Variants in TAFA1 observed in about 807,000 individuals in gnomAD.
The protein encoded by TAFA1 is TAFA chemokine like family member 1.
A neutral mutation model predicts 18.5 loss-of-function variants in TAFA1; 4 were observed. The ratio of observed to expected loss-of-function variants is 0.22; its 90% CI spans 0.11 to 0.49. The LOEUF (loss-of-function observed/expected upper bound fraction) is 0.49. Among genes scored for constraint, TAFA1 ranks in the 20% least tolerant of loss-of-function variants. The pLI, the probability that TAFA1 is intolerant of heterozygous loss-of-function variation, is 0.98. For missense variants in TAFA1, 147 were observed against 169.0 expected (o/e 0.87, Z 0.72); for synonymous variants, 56 against 55.2 (o/e 1.01, Z -0.06).
intron 2 of TAFA1, among the ~76,000 whole-genome samples, chr3:68,016,864 A>C (rs545308240): frequency 9.8e-5 from 15 of 152,300 alleles, no homozygotes; most frequent in Middle Eastern, 3.4e-3. Flanking sequence ...ATATAAGAGC[A>C]TGTTAATAGG....
intron 2 of TAFA1, among the ~76,000 whole-genome samples, chr3:68,179,536 G>A (rs927237786): frequency 5.3e-5 from 8 of 151,954 alleles, no homozygotes; most frequent in African/African-American, 1.7e-4. Flanking sequence ...TTCTTTTTCT[G>A]TACTCCTTGT....
At chr3:68,394,722 G>A (rs2070339271) in intron 2 of TAFA1, among the ~76,000 whole-genome samples, 1 of 152,112 alleles carries the variant, frequency 6.6e-6, no homozygotes, top group Non-Finnish European at 1.5e-5. Flanking sequence ...TTAATAAATG[G>A]TGTTGGGAAA....
At chr3:68,409,010 AATC>A (rs1364438037) in intron 2 of TAFA1, among the ~76,000 whole-genome samples, 1 of 152,146 alleles carries the variant, frequency 6.6e-6, no homozygotes, top group African/African-American at 2.4e-5. Flanking sequence ...TAAAAATCAA[AATC>A]ATGCACACTA....
intron 2 of TAFA1, among the ~76,000 whole-genome samples, chr3:68,087,342 G>A (rs1455168000): frequency 3.3e-5 from 5 of 151,820 alleles, no homozygotes; most frequent in African/African-American, 1.2e-4. Context: ...GAGGACATGA[G>A]GTTGCCAATG....
intron 2 of TAFA1, among the ~76,000 whole-genome samples, chr3:68,269,846 T>A (rs2067628414): frequency 6.6e-6 from 1 of 152,232 alleles, no homozygotes; most frequent in South Asian, 2.1e-4. Flanking sequence ...GAAGGATTCT[T>A]TTTTTAATAT....
At chr3:68,314,028 C>T (rs951856315) in intron 2 of TAFA1, among the ~76,000 whole-genome samples, 3 of 151,996 alleles carry the variant, frequency 2.0e-5, no homozygotes. Flanking sequence ...TGCCATTATT[C>T]TGCCTAAAGG....
At chr3:68,026,719 G>A (rs941950346) in intron 2 of TAFA1, among the ~76,000 whole-genome samples, 1 of 152,136 alleles carries the variant, frequency 6.6e-6, no homozygotes, top group African/African-American at 2.4e-5. Flanking sequence ...GTCTCAGTCT[G>A]CAGTCTGTGC....
chr3:68,029,038 C>T (rs1704877215), intron 2 of TAFA1, among the ~76,000 whole-genome samples: 1 of 151,984 alleles, frequency 6.6e-6, no homozygotes, highest in African/African-American at 2.4e-5. Context: ...GACGCATGAG[C>T]CACCATGACT....
intron 3 of TAFA1, among the ~76,000 whole-genome samples, chr3:68,427,514 T>G (rs746832225): frequency 2.0e-5 from 3 of 151,876 alleles, no homozygotes; most frequent in Non-Finnish European, 2.9e-5. Context: ...ATCTGATAAC[T>G]TTATATAAGG....
At position 68,122,469 on chromosome 3, in the gene TAFA1, G is replaced by A. The variant is rs181808762; in HGVS notation, c.118+115725G>A. ...AGATTGAAAAAGAATCGCAAATGAA[G>A]ACAATAGAATGAAAAGATTATATGG... On this transcript the variant is annotated intron_variant, in intron 2 of 4. Transcript: ENST00000478136. 1.1e-3 allele frequency among the ~76,000 whole-genome samples: 174 copies of A among 152,172 alleles called. 2 individuals carry two copies. The highest frequency in any genetic ancestry group is 4.0e-3 in the African/African-American group (166 of 41,548).
intron 2 of TAFA1, among the ~76,000 whole-genome samples, chr3:68,394,355 T>C (rs978991577): frequency 2.6e-5 from 4 of 152,016 alleles, no homozygotes; most frequent in Admixed American, 6.6e-5. Flanking sequence ...AGAATCAATA[T>C]CGTGAAAATG....
chr3:68,080,001 A>G (rs1034109071), intron 2 of TAFA1, among the ~76,000 whole-genome samples: 34 of 151,850 alleles, frequency 2.2e-4, no homozygotes, highest in African/African-American at 7.7e-4. Flanking sequence ...GTGCTCCTGT[A>G]TTGGGTGCAT....
intron 2 of TAFA1, among the ~76,000 whole-genome samples, chr3:68,340,986 C>A (rs1369135714): frequency 6.6e-6 from 1 of 152,020 alleles, no homozygotes; most frequent in African/African-American, 2.4e-5. Context: ...AGCATTAAAT[C>A]GTGGGTAAGA....
chr3:68,176,085 T>C (rs1325248674), intron 2 of TAFA1, among the ~76,000 whole-genome samples: 1 of 152,194 alleles, frequency 6.6e-6, no homozygotes, highest in African/African-American at 2.4e-5. Context: ...TTGTGAGACC[T>C]CCCCAGCCAT....
intron 2 of TAFA1, among the ~76,000 whole-genome samples, chr3:68,190,287 T>G (rs1376103166): frequency 6.6e-6 from 1 of 151,910 alleles, no homozygotes; most frequent in Non-Finnish European, 1.5e-5. Context: ...CTAGCAGTCT[T>G]TCTGATGCTG....
chr3:68,161,995 C>T (rs1559542853), intron 2 of TAFA1, among the ~76,000 whole-genome samples: 1 of 152,194 alleles, frequency 6.6e-6, no homozygotes, highest in East Asian at 1.9e-4. Context: ...ACTACAGCAG[C>T]AGAGCTGAAG....
At chr3:68,431,586 C>T (rs2071173313) in intron 3 of TAFA1, among the ~76,000 whole-genome samples, 1 of 151,970 alleles carries the variant, frequency 6.6e-6, no homozygotes, top group Non-Finnish European at 1.5e-5. Flanking sequence ...GATTCAACCT[C>T]AGCAATCTGA....
At chr3:68,000,954 C>A (rs1423869921), upstream of TAFA1, among the ~76,000 whole-genome samples, 33 of 152,008 alleles carry the variant, frequency 2.2e-4, no homozygotes, top group Admixed American at 2.2e-3. Context: ...TTTGGGGGAT[C>A]TGATATTAAA....
chr3:68,304,366 A>G (rs1416699365), intron 2 of TAFA1, among the ~76,000 whole-genome samples: 2 of 152,210 alleles, frequency 1.3e-5, no homozygotes, highest in Non-Finnish European at 2.9e-5. Context: ...TTTATATTTG[A>G]ACCTAGCAAA....
Sources: gnomAD v4.1 joint callset for allele counts (sites outside exome capture counted in the v4.1 genomes callset) on GRCh38, gnomAD v4.1.1 for gene constraint, MANE v1.5 for transcripts, NCBI Gene and HGNC (gene_info 2026-07-23, HGNC 2026-07-21) for gene names.